Variants in CLMN observed in about 807,000 individuals in gnomAD.
CLMN encodes the protein calmin (calponin-like, transmembrane).
CLMN carries 57 observed loss-of-function variants against 92.7 expected under a neutral mutation model. That is an observed-to-expected ratio of 0.61 (90% CI 0.50 to 0.77). The LOEUF (loss-of-function observed/expected upper bound fraction) is 0.77, where lower values mean the gene tolerates loss of function less well. Ranked by LOEUF, CLMN falls within the 30% of genes least tolerant of loss-of-function variation. CLMN has a pLI of 0.00. For synonymous variants in CLMN, 466 were observed against 470.6 expected, an observed-to-expected ratio of 0.99 and a Z score of 0.13; for missense variants, 1,158 against 1,237.5, an observed-to-expected ratio of 0.94 and a Z score of 0.96.
intron 8 of CLMN, among the ~76,000 whole-genome samples, chr14:95,205,593 A>G (rs1343883073): frequency 6.6e-6 from 1 of 152,242 alleles, no homozygotes; most frequent in Non-Finnish European, 1.5e-5. Context: ...CAAAAATAAC[A>G]AGGTATTGAG....
chr14:95,301,493 ATTGAGGGATG>A (rs1901053529), intron 1 of CLMN, among the ~76,000 whole-genome samples: 2 of 138,414 alleles, frequency 1.4e-5, no homozygotes, highest in African/African-American at 2.5e-5. Flanking sequence ...ACACTCACAC[ATTGAGGGATG>A]CTGGCCTCCA....
chr14:95,215,811 CTCTCTGTGTGTGTGTG>C lies in CLMN; in HGVS notation c.325-94_325-79del, dbSNP rs1290325650. 656 of 902,670 alleles carry C rather than the reference CTCTCTGTGTGTGTGTG, an allele frequency of 7.3e-4. 8 individuals are homozygous for C. In the Admixed American group the frequency reaches 8.5e-3, roughly 12 times the overall value. 55.9% of individuals were successfully genotyped at this position (902,670 alleles called of 1,614,324 possible). A position where few individuals can be genotyped will look rare whatever the true frequency, so the allele number is the denominator to read the frequency against. On this transcript the variant is annotated intron_variant, in intron 4 of 12. Coordinates refer to ENST00000298912, the MANE Select transcript of CLMN (RefSeq NM_024734.4). Reference sequence around the variant, plus strand: ...TATGTTATTTTCTGGTTCTCTCTCTCTCTCTGTGTGTGTGTGTGTGTGTGTGTGTGTGTGTGTGTGT... The same window carrying C: ...TATGTTATTTTCTGGTTCTCTCTCTCTGTGTGTGTGTGTGTGTGTGTGTGT...
intron 1 of CLMN, among the ~76,000 whole-genome samples, chr14:95,278,844 C>G (rs1258566347): frequency 6.6e-6 from 1 of 152,142 alleles, no homozygotes; most frequent in Non-Finnish European, 1.5e-5. Context: ...TGCTGATTCC[C>G]TTTTGAGATC....
At chr14:95,206,825 C>T (rs1313719104) in intron 8 of CLMN, among the ~76,000 whole-genome samples, 5 of 152,218 alleles carry the variant, frequency 3.3e-5, no homozygotes, top group Non-Finnish European at 5.9e-5. Flanking sequence ...ACACAAATAC[C>T]GTATGTTTTA....
intron 8 of CLMN, among the ~76,000 whole-genome samples, chr14:95,207,240 T>G (rs1405895762): frequency 1.3e-5 from 2 of 152,198 alleles, no homozygotes; most frequent in African/African-American, 4.8e-5. Flanking sequence ...ACAGTTAAAA[T>G]CTTCTCTTTT....
At chr14:95,232,713 A>G (rs1897928430) in intron 1 of CLMN, among the ~76,000 whole-genome samples, 1 of 152,214 alleles carries the variant, frequency 6.6e-6, no homozygotes, top group South Asian at 2.1e-4. Flanking sequence ...GAGACCAGTG[A>G]GTACCAGAGT....
chr14:95,201,516 A>G (rs1184253871), intron 9 of CLMN, among the ~76,000 whole-genome samples: 10 of 151,364 alleles, frequency 6.6e-5, no homozygotes, highest in South Asian at 2.1e-4. Context: ...TTGAGTTTTA[A>G]AGGACTTTTT....
Position 95,189,441 on chromosome 14 carries a change from C to T in CLMN, c.*2123G>A, listed in dbSNP as rs560939062. The T allele has an allele frequency of 5.3e-5, 8 of 152,268 alleles. No homozygotes were observed. The South Asian group carries it at 1.0e-3, about 20-fold the overall frequency. The allele number at this position is 152,268 out of a possible 1,614,324, so 9.4% of individuals were successfully genotyped here. On this transcript the variant is annotated 3_prime_UTR_variant, in exon 13 of 13. Coordinates refer to ENST00000298912, the MANE Select transcript of CLMN (RefSeq NM_024734.4). The stretch of plus-strand genomic sequence containing the variant: ...CTATATCCAGCTTCTTCCATAGAAG[C>T]CTATACTCAAATGAGATTTTTTTTT...
At chr14:95,241,031 A>G (rs75092694) in intron 1 of CLMN, among the ~76,000 whole-genome samples, 20,575 of 152,086 alleles carry the variant, frequency 0.14, 2,419 homozygotes, top group African/African-American at 0.31. Context: ...ACAGAGCTTG[A>G]CAGGCCTAGC....
chr14:95,307,230 C>G (rs1188868352), intron 1 of CLMN, among the ~76,000 whole-genome samples: 2 of 152,180 alleles, frequency 1.3e-5, no homozygotes, highest in Non-Finnish European at 2.9e-5. Flanking sequence ...TCTGCCAAAC[C>G]CAGCATCCAC....
intron 1 of CLMN, among the ~76,000 whole-genome samples, chr14:95,267,934 A>G (rs1595077718): frequency 1.3e-5 from 2 of 152,208 alleles, no homozygotes; most frequent in Admixed American, 6.5e-5. Flanking sequence ...GACAAATATC[A>G]CATGTTCTCA....
rs576477124 is a variant in CLMN at position 95,256,706 on chromosome 14, G to A, written c.83-26573C>T. On this transcript the variant is annotated intron_variant, in intron 1 of 12. Transcript: ENST00000298912. This position sits in a 1 kb window ranked among gnomAD's most constrained non-coding sequence, Gnocchi z 4.9. Reference sequence around the variant, plus strand: ...ATTTCAAAACGAAACTGAACATGGCGTGTGTCTAGGCTGGGATGGGAGAGA... The same window carrying A: ...ATTTCAAAACGAAACTGAACATGGCATGTGTCTAGGCTGGGATGGGAGAGA... 9.2e-5 allele frequency among the ~76,000 whole-genome samples: 14 copies of A among 152,312 alleles called. No individual in the cohort carries two copies. The highest frequency in any genetic ancestry group is 2.2e-4 in the African/African-American group (9 of 41,572).
intron 1 of CLMN, among the ~76,000 whole-genome samples, chr14:95,262,339 G>A (rs1899289909): frequency 6.6e-6 from 1 of 152,136 alleles, no homozygotes; most frequent in Non-Finnish European, 1.5e-5. Flanking sequence ...TACATTCCCA[G>A]TGACCAGAGG....
At position 95,191,867 on chromosome 14, in the gene CLMN, G is replaced by C. The variant is rs1480418398; in HGVS notation, c.2841-135C>G. 1 of 784,694 alleles carries C rather than the reference G, an allele frequency of 1.3e-6. No individual in the cohort carries two copies. The highest frequency in any genetic ancestry group is 2.0e-6 in the Non-Finnish European group (1 of 503,046). The allele number at this position is 784,694 out of a possible 1,614,324, so 48.6% of individuals were successfully genotyped here. On this transcript the variant is annotated intron_variant, in intron 12 of 12. Coordinates refer to ENST00000298912, the MANE Select transcript of CLMN (RefSeq NM_024734.4). This position sits in a 1 kb window ranked among gnomAD's most constrained non-coding sequence, Gnocchi z 5.3. ...CGAAGGCTCCCCAGCACCATGTCCA[G>C]GTAGGCCCCACACTGTGTGTACTGG...
chr14:95,289,112 G>A (rs1182421833), intron 1 of CLMN, among the ~76,000 whole-genome samples: 2 of 152,174 alleles, frequency 1.3e-5, no homozygotes, highest in Admixed American at 6.5e-5. Context: ...TCTGAGTGGC[G>A]GTGCCATGGG....
At chr14:95,232,062 T>C (rs558156569) in intron 1 of CLMN, among the ~76,000 whole-genome samples, 5 of 152,376 alleles carry the variant, frequency 3.3e-5, no homozygotes, top group African/African-American at 1.2e-4. Context: ...AAATAGTTAA[T>C]AAAACAGCCC....
chr14:95,315,719 A>G (rs1328474084), intron 1 of CLMN, among the ~76,000 whole-genome samples: 1 of 152,214 alleles, frequency 6.6e-6, no homozygotes, highest in African/African-American at 2.4e-5. Context: ...TACAGCATCA[A>G]ACGCCAAAAG....
Position 95,194,123 on chromosome 14 carries a change from C to A in CLMN, c.2770-204G>T, listed in dbSNP as rs185789947. The A allele has an allele frequency of 4.9e-6, 7 of 1,416,474 alleles. No individual in the cohort carries two copies. In the East Asian group the frequency reaches 1.5e-4, roughly 31 times the overall value. The allele number at this position is 1,416,474 out of a possible 1,614,324, so 87.7% of individuals were successfully genotyped here. ...CCCCTAAGCCCCTCCCTTGTGAGTG[C>A]GAGAGACCCCACCACCCGGAACCCG... On this transcript the variant is annotated intron_variant, in intron 11 of 12. Coordinates refer to ENST00000298912, the MANE Select transcript of CLMN (RefSeq NM_024734.4). This position sits in a 1 kb window ranked among gnomAD's most constrained non-coding sequence, Gnocchi z 4.0.
intron 1 of CLMN, among the ~76,000 whole-genome samples, chr14:95,292,067 G>A (rs779624297): frequency 1.2e-3 from 181 of 152,194 alleles, no homozygotes; most frequent in Non-Finnish European, 2.3e-3. Context: ...CCGAGAGGAA[G>A]GTCTGACTTT....
Sources: allele counts gnomAD v4.1 joint callset (sites outside exome capture counted in the v4.1 genomes callset), GRCh38; gene constraint gnomAD v4.1.1; non-coding constraint Gnocchi (gnomAD v3.1); transcripts MANE v1.5; gene names NCBI Gene and HGNC (gene_info 2026-07-23, HGNC 2026-07-21).